FLII: variants seen among roughly 807,000 people sequenced by gnomAD.
FLII encodes FLII actin remodeling protein.
FLII carries 101 observed loss-of-function variants against 156.2 expected under a neutral mutation model. The observed-to-expected ratio is 0.65, with a 90% confidence interval of 0.55 to 0.76. The LOEUF is 0.76. FLII is among the 30% of genes least tolerant of loss of function. FLII has a pLI of 0.00. For missense variants in FLII, 1,675 were observed against 1,682.8 expected (o/e 1.00, Z 0.08); for synonymous variants, 767 against 685.8 (o/e 1.12, Z -1.85).
intron 6 of FLII, 135 bp from the exon 7 acceptor site, chr17:18,254,317 C>T (rs2048352982): frequency 1.2e-6 from 1 of 837,562 alleles, no homozygotes; most frequent in Admixed American, 2.8e-5. Flanking sequence ...GGGACAAGCC[C>T]AAGGGTGGTT....
chr17:18,251,941 T>C, intron 11 of FLII, 58 bp downstream of exon 11: 1 of 1,603,302 alleles, frequency 6.2e-7, no homozygotes, highest in South Asian at 1.1e-5. Flanking sequence ...TTTACAGATG[T>C]GTCATTTGAG....
Position 18,251,465 on chromosome 17 carries a change from C to T in FLII, c.1396G>A (p.Ala466Thr). Residue 466 changes from alanine to threonine, a missense_variant, in exon 13 of 30, where the codon GCC (alanine) becomes ACC (threonine). By Grantham distance (58) the Ala-to-Thr change is moderately conservative. Transcript: ENST00000327031. ...KNKKQEESAD[A>T]RAPSGKVRRW... ...CGCACCTTCCCGCTGGGGGCCCGGGCATCTGCGCTCTCCTGGGGGCAGAGT... is the reference window on the plus strand; with the variant it reads ...CGCACCTTCCCGCTGGGGGCCCGGGTATCTGCGCTCTCCTGGGGGCAGAGT... 1.2e-6 allele frequency: 2 copies of T among 1,605,862 alleles called. No homozygotes were observed. The highest frequency in any genetic ancestry group is 1.7e-6 in the Non-Finnish European group (2 of 1,175,872).
Position 18,246,520 on chromosome 17 carries a change from C to T in FLII, c.3052-58G>A. ...TGGACCCCCACCTGCCCCTCGGGAG[C>T]CTAACCTTCGCTGGGTCTGAGCCCC... On this transcript the variant is annotated intron_variant, in intron 23 of 29. Coordinates refer to ENST00000327031, the MANE Select transcript of FLII (RefSeq NM_002018.4). The T allele has an allele frequency of 5.6e-6, 9 of 1,612,036 alleles. No individual in the cohort carries two copies. In the South Asian group the frequency reaches 9.9e-5, roughly 18 times the overall value.
In FLII at chr17:18,251,807, C is replaced by T; in HGVS notation, c.1256G>A (p.Gly419Glu). 1.2e-6 allele frequency: 2 copies of T among 1,613,738 alleles called. No individual in the cohort carries two copies. Among genetic ancestry groups the T allele is most frequent in the Non-Finnish European group, 1.7e-6 (2 of 1,180,028 alleles). ...TVAAAAAAGS[G>E]PKDPMARKMR... Reference sequence around the variant, plus strand: ...CTTGCGAGCCATAGGGTCCTTGGGCCCACTCCCTGCTTAGGGGAGGGGCAA... The same window carrying T: ...CTTGCGAGCCATAGGGTCCTTGGGCTCACTCCCTGCTTAGGGGAGGGGCAA... The change falls in exon 12 of 30, where the codon GGG (glycine) becomes GAG (glutamate). Residue 419 changes from glycine to glutamate, a missense_variant. Physicochemically the swap from Gly to Glu is moderately conservative, Grantham distance 98 (BLOSUM62 -2). Transcript: ENST00000327031.
rs766504772 is a variant in FLII at position 18,252,081 on chromosome 17, C to A, written c.1164G>T (p.Glu388Asp). Residue 388 changes from glutamate to aspartate, a missense_variant, in exon 11 of 30, where the codon GAG (glutamate) becomes GAT (aspartate). Physicochemically the swap from Glu to Asp is conservative, Grantham distance 45 (BLOSUM62 2). Transcript: ENST00000327031. ...GCAGCGAGAAGTCGATGTTGTACCACTCAGCGGCACGGTCTGCGGGCTTGG... is the reference window on the plus strand; with the variant it reads ...GCAGCGAGAAGTCGATGTTGTACCAATCAGCGGCACGGTCTGCGGGCTTGG... ...MPPKPADRAA[E>D]WYNIDFSLQN... 1.2e-6 allele frequency: 2 copies of A among 1,613,344 alleles called. No homozygotes were observed. The highest frequency in any genetic ancestry group is 8.5e-7 in the Non-Finnish European group (1 of 1,180,054).
rs781539446 is a variant in FLII at position 18,245,547 on chromosome 17, C to G, written c.3609+8G>C. 3 of 1,613,310 alleles carry G rather than the reference C, an allele frequency of 1.9e-6. No individual in the cohort carries two copies. The highest frequency in any genetic ancestry group is 2.5e-6 in the Non-Finnish European group (3 of 1,179,524). On this transcript the variant is annotated splice_region_variant and intron_variant, in intron 28 of 29. Coordinates refer to ENST00000327031, the MANE Select transcript of FLII (RefSeq NM_002018.4). The stretch of plus-strand genomic sequence containing the variant: ...CTTGGATGGGCAGGGCTAGTGGCAA[C>G]ATCACACCTCTTGGCCATTGTCTAG...
At chr17:18,254,052 T>C in intron 7 of FLII, 27 bp downstream of exon 7, 2 of 1,575,754 alleles carry the variant, frequency 1.3e-6, no homozygotes, top group Non-Finnish European at 1.7e-6. Flanking sequence ...GGGCCCGAGC[T>C]CAGAGGGGCT....
In FLII at chr17:18,255,068, G is replaced by A. The variant is rs768197445; in HGVS notation, c.327+115C>T. The A allele has an allele frequency of 2.7e-4, 261 of 973,886 alleles. 3 individuals are homozygous for A. Among genetic ancestry groups the A allele is most frequent in the South Asian group, 1.7e-3 (131 of 77,944 alleles). 60.3% of individuals were successfully genotyped at this position (973,886 alleles called of 1,614,324 possible). A position where few individuals can be genotyped will look rare whatever the true frequency, so the allele number is the denominator to read the frequency against. ...TCAGGCAAGGTATTATCCACTCCAA[G>A]ACTCAGTTTTCCCATCTGCAAAATG... On this transcript the variant is annotated intron_variant, in intron 4 of 29. Coordinates refer to ENST00000327031, the MANE Select transcript of FLII (RefSeq NM_002018.4).
At chr17:18,251,632 A>G in intron 12 of FLII, 48 bp downstream of exon 12, 1 of 1,611,812 alleles carries the variant, frequency 6.2e-7, no homozygotes, top group Non-Finnish European at 8.5e-7. Flanking sequence ...GTCGGCCTTC[A>G]GCAGAAGCTA....
At chr17:18,249,886 A>G (rs559088530) in intron 14 of FLII, among the ~76,000 whole-genome samples, 1 of 152,260 alleles carries the variant, frequency 6.6e-6, no homozygotes, top group African/African-American at 2.4e-5. Flanking sequence ...TGGGAGGCCA[A>G]GGCGGGTGGA....
intron 23 of FLII, 35 bp downstream of exon 23, chr17:18,246,559 G>A (rs375385173): frequency 1.9e-6 from 3 of 1,611,868 alleles, no homozygotes; most frequent in East Asian, 2.2e-5. Flanking sequence ...ACACCCCTCC[G>A]CCTGGCCTCG....
chr17:18,258,365 TG>T lies in FLII; in HGVS notation c.63+262del, dbSNP rs1367803901. On this transcript the variant is annotated intron_variant, in intron 1 of 29. Transcript: ENST00000327031. The surrounding 1 kb of genome is among the most constrained non-coding windows in gnomAD (Gnocchi z 4.2). ...CTAGACCGAGAACACGGACGCGGGG[TG>T]GGGGCTCCCGGCCGGGCCCCCGGCG... 3 of 897,184 alleles carry T rather than the reference TG, an allele frequency of 3.3e-6. No homozygotes were observed. Among genetic ancestry groups the T allele is most frequent in the Non-Finnish European group, 4.9e-6 (3 of 607,764 alleles). 55.6% of individuals were successfully genotyped at this position (897,184 alleles called of 1,614,324 possible).
rs751473339 is a variant in FLII, at chr17:18,247,281, T to C, written c.2564A>G (p.Gln855Arg). The C allele has an allele frequency of 2.6e-5, 42 of 1,612,806 alleles. No individual in the cohort carries two copies. Among genetic ancestry groups the C allele is most frequent in the Non-Finnish European group, 3.6e-5 (42 of 1,179,666 alleles). ...DYTRNAEAVL[Q>R]SPGLSGKVKR... is the part of the protein sequence containing the mutation. The stretch of plus-strand genomic sequence containing the variant: ...CACCTTCCCGGAGAGACCCGGGCTC[T>C]GCAGCACGGCCTCCGCATTGCGTGT... Residue 855 changes from glutamine to arginine, a missense_variant, in exon 21 of 30, where the codon CAG (glutamine) becomes CGG (arginine). This residue lies in a region of FLII where 1,332 missense variants were observed against 1,269.3 expected (regional missense o/e 1.05). Transcript: ENST00000327031.
At chr17:18,247,444 G>A (rs2048114700) in intron 20 of FLII, 87 bp from the exon 21 acceptor site, 2 of 1,320,080 alleles carry the variant, frequency 1.5e-6, no homozygotes, top group Non-Finnish European at 2.1e-6. Flanking sequence ...CGGGACCCAA[G>A]GGAGATCTAG....
intron 9 of FLII, among the ~76,000 whole-genome samples, chr17:18,253,022 C>T (rs2048315412): frequency 6.6e-6 from 1 of 152,180 alleles, no homozygotes; most frequent in Non-Finnish European, 1.5e-5. Flanking sequence ...TGGTAGCGCA[C>T]GCCTATAATC....
Position 18,249,331 on chromosome 17 carries a change from G to A in FLII, c.1854C>T (p.Val618=). Residue 618 remains valine, a synonymous_variant, in exon 15 of 30, where the codon GTC becomes GTT. Coordinates refer to ENST00000327031, the MANE Select transcript of FLII (RefSeq NM_002018.4). ...CACTGCCCACACACCCTCACCTGGT[G>A]ACATAGTGTGTGTCTTCCACAGTGT... ...GFYTVEDTHY[V]TRMYRVYGKK... 1 of 1,614,014 alleles carries A rather than the reference G, an allele frequency of 6.2e-7. No individual in the cohort carries two copies. The highest frequency in any genetic ancestry group is 8.5e-7 in the Non-Finnish European group (1 of 1,179,900).
chr17:18,258,671 A>G lies in FLII; in HGVS notation c.20T>C (p.Leu7Pro). MEATGV[L>P]PFVRGVDLSG... The stretch of plus-strand genomic sequence containing the variant: ...GAGGTCCACGCCACGCACGAACGGC[A>G]GCACCCCGGTGGCCTCCATGGCGCC... Residue 7 changes from leucine to proline, a missense_variant, in exon 1 of 30, where the codon CTG (leucine) becomes CCG (proline). Physicochemically the swap from Leu to Pro is moderately conservative, Grantham distance 98. Coordinates refer to ENST00000327031, the MANE Select transcript of FLII (RefSeq NM_002018.4). This position sits in a 1 kb window ranked among gnomAD's most constrained non-coding sequence, Gnocchi z 4.2. 1 of 1,539,916 alleles carries G rather than the reference A, an allele frequency of 6.5e-7. No individual in the cohort carries two copies. The highest frequency in any genetic ancestry group is 8.7e-7 in the Non-Finnish European group (1 of 1,152,794).
chr17:18,246,756 T>C lies in FLII; in HGVS notation c.2889A>G (p.Glu963=). 3 of 1,613,954 alleles carry C rather than the reference T, an allele frequency of 1.9e-6. No individual in the cohort carries two copies. Among genetic ancestry groups the C allele is most frequent in the Non-Finnish European group, 2.5e-6 (3 of 1,179,914 alleles). ...EDKEEKAEGK[E]GEEATAEAEE... ...CTGCCTCAGCGGTTGCTTCCTCGCC[T>C]TCTTTGCCCTCGGCCTTCTCCTCCT... The change falls in exon 23 of 30, where the codon GAA becomes GAG. Residue 963 remains glutamate, a synonymous_variant. Coordinates refer to ENST00000327031, the MANE Select transcript of FLII (RefSeq NM_002018.4).
chr17:18,252,633 G>T lies in FLII; in HGVS notation c.1014-77C>A, dbSNP rs1597915730. ...GTGGGCAAGAAAACCCCTAGTCCTG[G>T]GGAGGGGAGGCAGGTAGGGTCAGAG... On this transcript the variant is annotated intron_variant, in intron 9 of 29. Transcript: ENST00000327031. The T allele has an allele frequency of 4.3e-6, 5 of 1,164,508 alleles. No homozygotes were observed. The South Asian group carries it at 6.1e-5, about 14-fold the overall frequency. The allele number at this position is 1,164,508 out of a possible 1,614,324, so 72.1% of individuals were successfully genotyped here.
Sources: gnomAD v4.1 joint callset for allele counts (sites outside exome capture counted in the v4.1 genomes callset) on GRCh38, gnomAD v4.1.1 for gene constraint, gnomAD v4.1.1 regional missense constraint, Gnocchi (gnomAD v3.1) non-coding constraint, MANE v1.5 for transcripts, NCBI Gene and HGNC (gene_info 2026-07-23, HGNC 2026-07-21) for gene names.